Variants in RORA observed in about 807,000 individuals in gnomAD.
RORA encodes RAR related orphan receptor A.
RORA carries 7 observed loss-of-function variants against 69.5 expected under a neutral mutation model. That is an observed-to-expected ratio of 0.10 (90% CI 0.06 to 0.19). RORA has a LOEUF of 0.19. Among genes scored for constraint, RORA ranks in the 10% least tolerant of loss-of-function variants. RORA has a pLI of 1.00. For synonymous variants in RORA, 261 were observed against 240.8 expected (o/e 1.08, Z -0.78); for missense variants, 457 against 663.0 (o/e 0.69, Z 3.41).
At position 60,809,322 on chromosome 15, in the gene RORA, G is replaced by A. The variant is rs191890830; in HGVS notation, c.167-130636C>T. On this transcript the variant is annotated intron_variant, in intron 1 of 10. Coordinates refer to ENST00000335670, the MANE Select transcript of RORA (RefSeq NM_134261.3). The stretch of plus-strand genomic sequence containing the variant: ...GAACTACAACAATTGACAGCAATGT[G>A]CACAGTTAATCCCAATTCTGTGTTT... Among the ~76,000 whole-genome samples, 180 of 152,274 alleles carry A rather than the reference G, an allele frequency of 1.2e-3. 1 individual carries two copies. The highest frequency in any genetic ancestry group is 1.9e-3 in the Non-Finnish European group (128 of 68,044).
chr15:60,727,446 G>A (rs1016171500), intron 1 of RORA, among the ~76,000 whole-genome samples: 5 of 152,090 alleles, frequency 3.3e-5, no homozygotes, highest in Admixed American at 1.3e-4. Context: ...GGATTCAGAT[G>A]GACTCTGCTC....
intron 1 of RORA, among the ~76,000 whole-genome samples, chr15:60,925,190 G>A (rs554265874): frequency 1.3e-5 from 2 of 152,228 alleles, no homozygotes; most frequent in South Asian, 4.2e-4. Context: ...CATCCTGACA[G>A]GCGGACCCTT....
chr15:61,216,295 C>T (rs900464822), intron 1 of RORA, among the ~76,000 whole-genome samples: 9 of 152,182 alleles, frequency 5.9e-5, no homozygotes, highest in African/African-American at 4.8e-5. Flanking sequence ...CTCTTTCTCA[C>T]GCTGTTCTCT....
intron 1 of RORA, among the ~76,000 whole-genome samples, chr15:60,751,333 G>A (rs2071720551): frequency 6.6e-6 from 1 of 151,998 alleles, no homozygotes; most frequent in East Asian, 1.9e-4. Context: ...ATAAGAAGTG[G>A]GACTAGCAGG....
At chr15:61,054,536 A>G (rs1290615257) in intron 1 of RORA, among the ~76,000 whole-genome samples, 6 of 152,220 alleles carry the variant, frequency 3.9e-5, no homozygotes. Context: ...CTGAGGCACA[A>G]GAAACATCAG....
intron 1 of RORA, among the ~76,000 whole-genome samples, chr15:60,788,368 C>G (rs1317235764): frequency 6.6e-6 from 1 of 152,094 alleles, no homozygotes; most frequent in Non-Finnish European, 1.5e-5. Flanking sequence ...GAATGCTTTC[C>G]CATTAGAGGG....
chr15:60,798,948 T>C (rs1411275429), intron 1 of RORA, among the ~76,000 whole-genome samples: 4 of 151,960 alleles, frequency 2.6e-5, no homozygotes, highest in East Asian at 3.9e-4. Context: ...TTTTTTTTTT[T>C]TTTAAACTCA....
intron 2 of RORA, among the ~76,000 whole-genome samples, chr15:60,675,277 C>A (rs963399637): frequency 1.3e-5 from 2 of 152,068 alleles, no homozygotes; most frequent in Non-Finnish European, 2.9e-5. Flanking sequence ...GGAAAGAGAC[C>A]AGAACAAACT....
At chr15:60,966,455 A>C (rs1228851156) in intron 1 of RORA, among the ~76,000 whole-genome samples, 4 of 152,192 alleles carry the variant, frequency 2.6e-5, no homozygotes, top group Non-Finnish European at 5.9e-5. Flanking sequence ...CACAAAACTT[A>C]ATGGCTAGTT....
chr15:61,126,089 C>T (rs916379957), intron 1 of RORA, among the ~76,000 whole-genome samples: 1 of 152,194 alleles, frequency 6.6e-6, no homozygotes, highest in Non-Finnish European at 1.5e-5. Flanking sequence ...TTAAAAAGCT[C>T]CTCCTCTGGG....
At position 60,495,310 on chromosome 15, in the gene RORA, T is replaced by G. The variant is rs968865586; in HGVS notation, c.*2145A>C. 1.3e-5 allele frequency: 2 copies of G among 152,202 alleles called. No individual in the cohort carries two copies. The highest frequency in any genetic ancestry group is 2.9e-5 in the Non-Finnish European group (2 of 68,040). 9.4% of individuals were successfully genotyped at this position (152,202 alleles called of 1,614,324 possible). On this transcript the variant is annotated 3_prime_UTR_variant, in exon 11 of 11. Transcript: ENST00000335670. ...CCTTCTTGCCCCAATATAAATACTA[T>G]ATGCTGACAGTTAGCATCTCTCTAT...
At chr15:60,811,992 GA>G (rs1415134908) in intron 1 of RORA, among the ~76,000 whole-genome samples, 3 of 152,102 alleles carry the variant, frequency 2.0e-5, no homozygotes, top group Non-Finnish European at 2.9e-5. Flanking sequence ...TCCCAAAGTT[GA>G]ATCAAGCAGT....
chr15:61,139,843 G>A (rs2079281875), intron 1 of RORA, among the ~76,000 whole-genome samples: 1 of 152,208 alleles, frequency 6.6e-6, no homozygotes, highest in Non-Finnish European at 1.5e-5. Context: ...ACCCCTAAAA[G>A]CTTGTAGCTT....
At chr15:60,827,157 C>G (rs1183051748) in intron 1 of RORA, among the ~76,000 whole-genome samples, 1 of 152,168 alleles carries the variant, frequency 6.6e-6, no homozygotes. Flanking sequence ...TGCTTAGTAT[C>G]TACCTGAGGT....
At chr15:60,516,151 ATATATATATTTATATATATATT>A (rs2065919323) in intron 3 of RORA, among the ~76,000 whole-genome samples, 1 of 39,840 alleles carries the variant, frequency 2.5e-5, no homozygotes, top group Non-Finnish European at 4.7e-5. Context: ...ATATATTTAT[ATATATATATTTATATATATATT>A]TATATATATA....
At chr15:60,937,609 T>A (rs915241059) in intron 1 of RORA, among the ~76,000 whole-genome samples, 1 of 152,178 alleles carries the variant, frequency 6.6e-6, no homozygotes, top group African/African-American at 2.4e-5. Flanking sequence ...TCCACCAGTT[T>A]CCCAGACTCC....
intron 1 of RORA, among the ~76,000 whole-genome samples, chr15:60,745,905 T>C (rs1400416339): frequency 6.6e-6 from 1 of 152,140 alleles, no homozygotes; most frequent in Non-Finnish European, 1.5e-5. Flanking sequence ...CCGCTTAATT[T>C]CCTGTGTATT....
intron 2 of RORA, among the ~76,000 whole-genome samples, chr15:60,542,643 GACACAC>G (rs1567073496): frequency 5.3e-4 from 49 of 93,290 alleles, no homozygotes; most frequent in African/African-American, 2.8e-3. Flanking sequence ...CCTCACACAC[GACACAC>G]GGGCACACCT....
chr15:60,698,631 T>A (rs1428809513), intron 1 of RORA, among the ~76,000 whole-genome samples: 1 of 13,970 alleles, frequency 7.2e-5, no homozygotes, highest in Non-Finnish European at 3.1e-4. Flanking sequence ...GGCATTTGTG[T>A]TTTTTTTTTT....
Sources: gnomAD v4.1 joint callset for allele counts (sites outside exome capture counted in the v4.1 genomes callset) on GRCh38, gnomAD v4.1.1 for gene constraint, MANE v1.5 for transcripts, NCBI Gene and HGNC (gene_info 2026-07-23, HGNC 2026-07-21) for gene names.